Variants in NPAS4 observed in about 807,000 individuals in gnomAD.
NPAS4 encodes the protein neuronal PAS domain-containing protein 4.
NPAS4 carries 10 observed loss-of-function variants against 64.0 expected under a neutral mutation model. The observed-to-expected ratio is 0.16, with a 90% CI of 0.10 to 0.26. The LOEUF (loss-of-function observed/expected upper bound fraction) is 0.26, where lower values mean the gene tolerates loss of function less well. Among genes scored for constraint, NPAS4 ranks in the 10% least tolerant of loss-of-function variants. NPAS4 has a pLI of 1.00. For missense variants in NPAS4, 886 were observed against 992.6 expected (o/e 0.89, Z 1.44); for synonymous variants, 441 against 411.7 (o/e 1.07, Z -0.86).
At chr11:66,421,473 C>T (rs929465043) in intron 1 of NPAS4, 119 bp downstream of exon 1, 2 of 828,784 alleles carry the variant, frequency 2.4e-6, no homozygotes, top group Non-Finnish European at 3.9e-6. Context: ...TGGGGAGATT[C>T]GGGACTCGGG....
Position 66,423,240 on chromosome 11 carries a change from T to A in NPAS4, c.808+8T>A, listed in dbSNP as rs1264239372. On this transcript the variant is annotated splice_region_variant and intron_variant, in intron 5 of 7. Transcript: ENST00000311034. ...CTCAACACTACCGCCTGTGTGAGTG[T>A]CCAGAGAGGCTGGGGACAAGATAGC... 4 of 1,570,698 alleles carry A rather than the reference T, an allele frequency of 2.5e-6. No individual in the cohort carries two copies. In the African/African-American group the frequency reaches 5.4e-5, roughly 21 times the overall value.
Position 66,424,156 on chromosome 11 carries a change from C to G in NPAS4, c.1266C>G (p.Cys422Trp), listed in dbSNP as rs368787240. 2.0e-5 allele frequency: 32 copies of G among 1,613,936 alleles called. No homozygotes were observed. The highest frequency in any genetic ancestry group is 2.5e-5 in the Non-Finnish European group (30 of 1,180,004). ...LQAELSKDLVCTPPYTPHQPG... is the reference protein window; with the variant it reads ...LQAELSKDLVWTPPYTPHQPG... ...CAGAACTAAGCAAGGATCTTGTGTG[C>G]ACTCCACCTTACACGCCCCATCAGC... Residue 422 changes from cysteine to tryptophan, a missense_variant, in exon 7 of 8, where the codon TGC (cysteine) becomes TGG (tryptophan). Around this residue, in one of 3 missense-constraint regions of NPAS4, gnomAD observed 820 missense variants for 855.5 expected, o/e 0.96. Coordinates refer to ENST00000311034, the MANE Select transcript of NPAS4 (RefSeq NM_178864.4).
chr11:66,418,617 T>C (rs953002977), upstream of NPAS4, among the ~76,000 whole-genome samples: 2 of 151,996 alleles, frequency 1.3e-5, no homozygotes, highest in African/African-American at 4.8e-5. Context: ...AGACCCTTCT[T>C]CCCTTCCAAA....
the NPAS4 span, among the ~76,000 whole-genome samples, chr11:66,415,055 T>G: frequency 6.6e-6 from 1 of 152,210 alleles, no homozygotes; most frequent in African/African-American, 2.4e-5. Context: ...AAATTTTGTC[T>G]TCCTGACAAT....
Position 66,423,613 on chromosome 11 carries a change from G to A in NPAS4, c.844G>A (p.Val282Met), listed in dbSNP as rs767052513. ...TGGAGATATTCAGGCAGAGATGGTG[G>A]TGAGGCTACAGGCCAAGACTGGAGG... is the stretch of plus-strand genomic sequence containing the variant. ...ESGDIQAEMV[V>M]RLQAKTGGWA... Residue 282 changes from valine to methionine, a missense_variant, in exon 6 of 8, where the codon GTG (valine) becomes ATG (methionine). By Grantham distance (21) the Val-to-Met change is conservative. Transcript: ENST00000311034. 2.0e-5 allele frequency: 33 copies of A among 1,614,138 alleles called. No homozygotes were observed. Among genetic ancestry groups the A allele is most frequent in the Middle Eastern group, 1.7e-4 (1 of 6,050 alleles).
chr11:66,419,934 C>G (rs960454107), upstream of NPAS4, among the ~76,000 whole-genome samples: 1 of 152,188 alleles, frequency 6.6e-6, no homozygotes, highest in Admixed American at 6.5e-5. Context: ...CTCAGCTGCT[C>G]CCCCATCTTG....
At chr11:66,416,066 C>T (rs1165772822), upstream of NPAS4, among the ~76,000 whole-genome samples, 1 of 152,178 alleles carries the variant, frequency 6.6e-6, no homozygotes, top group Non-Finnish European at 1.5e-5. Flanking sequence ...CAGGCCACTG[C>T]ACTCTAGTCT....
chr11:66,423,484 C>A, intron 5 of NPAS4, 94 bp from the exon 6 acceptor site: 2 of 1,455,906 alleles, frequency 1.4e-6, no homozygotes, highest in Non-Finnish European at 1.9e-6. Flanking sequence ...GAGGATGTCA[C>A]GGCTATCTCA....
chr11:66,423,048 T>G (rs979839290), intron 4 of NPAS4, 75 bp from the exon 5 acceptor site: 188 of 1,507,250 alleles, frequency 1.2e-4, no homozygotes, highest in Non-Finnish European at 1.5e-4. Flanking sequence ...GGGCAGAGGA[T>G]CTGGGAGGGA....
rs902309032 is a variant in NPAS4, at chr11:66,426,608, C to T, written c.*619C>T. ...GCGTGTACCTGGTGCGGGACTCACC[C>T]GGCCGCCAGACTGCCTGGGCCTGCC... On this transcript the variant is annotated 3_prime_UTR_variant, in exon 8 of 8. Coordinates refer to ENST00000311034, the MANE Select transcript of NPAS4 (RefSeq NM_178864.4). 6.5e-6 allele frequency: 1 copy of T among 152,966 alleles called. No homozygotes were observed. The highest frequency in any genetic ancestry group is 1.5e-5 in the Non-Finnish European group (1 of 68,266). 9.5% of individuals were successfully genotyped at this position (152,966 alleles called of 1,614,324 possible). A position where few individuals can be genotyped will look rare whatever the true frequency, so the allele number is the denominator to read the frequency against.
At chr11:66,421,451 G>A in intron 1 of NPAS4, 97 bp downstream of exon 1, 3 of 1,115,456 alleles carry the variant, frequency 2.7e-6, no homozygotes, top group South Asian at 1.4e-5. Context: ...CTAGGGCAGC[G>A]TGCTGGCGAG....
upstream of NPAS4, among the ~76,000 whole-genome samples, chr11:66,420,130 T>C (rs1856718774): frequency 6.6e-6 from 1 of 152,186 alleles, no homozygotes; most frequent in Non-Finnish European, 1.5e-5. Context: ...AAGCGCTCGC[T>C]TGGGGGCCGG....
At chr11:66,410,066 G>A in the NPAS4 span, 1 of 152,268 alleles carries the variant, frequency 6.6e-6, no homozygotes, top group Non-Finnish European at 1.5e-5. Flanking sequence ...TGGCCTGCAG[G>A]GGTCCGGCAG....
chr11:66,422,335 C>T lies in NPAS4; in HGVS notation c.327+64C>T, dbSNP rs1266391019. On this transcript the variant is annotated intron_variant, in intron 2 of 7. Coordinates refer to ENST00000311034, the MANE Select transcript of NPAS4 (RefSeq NM_178864.4). ...GAGTGGGTGCCGTGAGCCTTCCACT[C>T]CTGAGGAACTGGGAATTACTATGGA... 82 of 1,559,584 alleles carry T rather than the reference C, an allele frequency of 5.3e-5. 1 individual carries two copies. In the South Asian group the frequency reaches 9.0e-4, roughly 17 times the overall value.
Position 66,424,496 on chromosome 11 carries a change from A to G in NPAS4, c.1606A>G (p.Thr536Ala). 6.2e-7 allele frequency: 1 copy of G among 1,614,104 alleles called. No individual in the cohort carries two copies. Among genetic ancestry groups the G allele is most frequent in the Non-Finnish European group, 8.5e-7 (1 of 1,180,028 alleles). ...CCATGAACAGCTGACTCCTCCCAGC[A>G]CAGCATTCCAAGCACACCTGGACAG... Reference protein sequence around the residue: ...PAHEQLTPPSTAFQAHLDSPS... With the variant: ...PAHEQLTPPSAAFQAHLDSPS... The change falls in exon 7 of 8, where the codon ACA (threonine) becomes GCA (alanine). Residue 536 changes from threonine to alanine, a missense_variant. Thr to Ala is a moderately conservative substitution (Grantham distance 58). This residue lies in a region of NPAS4 where 820 missense variants were observed against 855.5 expected (regional missense o/e 0.96). Transcript: ENST00000311034.
rs199690005 is a variant in NPAS4, at chr11:66,424,544, C to A, written c.1654C>A (p.Gln552Lys). 21 of 1,614,160 alleles carry A rather than the reference C, an allele frequency of 1.3e-5. No homozygotes were observed. The East Asian group carries it at 4.7e-4, about 36-fold the overall frequency. Reference protein sequence around the residue: ...LDSPSQTFPEQLSPNPTKTYF... With the variant: ...LDSPSQTFPEKLSPNPTKTYF... Reference sequence around the variant, plus strand: ...CAGCCCCAGCCAAACCTTCCCAGAGCAACTGAGCCCCAACCCTACCAAGAC... The same window carrying A: ...CAGCCCCAGCCAAACCTTCCCAGAGAAACTGAGCCCCAACCCTACCAAGAC... The change falls in exon 7 of 8, where the codon CAA (glutamine) becomes AAA (lysine). Residue 552 changes from glutamine to lysine, a missense_variant. Physicochemically the swap from Gln to Lys is moderately conservative, Grantham distance 53. Coordinates refer to ENST00000311034, the MANE Select transcript of NPAS4 (RefSeq NM_178864.4).
upstream of NPAS4, among the ~76,000 whole-genome samples, chr11:66,420,315 C>T (rs1856720749): frequency 6.6e-6 from 1 of 152,238 alleles, no homozygotes; most frequent in African/African-American, 2.4e-5. Flanking sequence ...AGGATCAACG[C>T]CAAATTCAGC....
Position 66,426,285 on chromosome 11 carries a change from C to A in NPAS4, c.*296C>A. 1 of 360,914 alleles carries A rather than the reference C, an allele frequency of 2.8e-6. No homozygotes were observed. The highest frequency in any genetic ancestry group is 5.2e-6 in the Non-Finnish European group (1 of 191,882). 22.4% of individuals were successfully genotyped at this position (360,914 alleles called of 1,614,324 possible). A position where few individuals can be genotyped will look rare whatever the true frequency, so the allele number is the denominator to read the frequency against. On this transcript the variant is annotated 3_prime_UTR_variant, in exon 8 of 8. Coordinates refer to ENST00000311034, the MANE Select transcript of NPAS4 (RefSeq NM_178864.4). ...GAATGGGGGAGTCTCACTTCCCCGC[C>A]GCCTTGCCCCATTGGCCTGGGCCAG...
chr11:66,421,819 T>C (rs1357293074), intron 1 of NPAS4, among the ~76,000 whole-genome samples: 1 of 152,186 alleles, frequency 6.6e-6, no homozygotes, highest in African/African-American at 2.4e-5. Flanking sequence ...GAACCCACAG[T>C]CGGCTTCGGA....
Sources: allele counts gnomAD v4.1 joint callset (sites outside exome capture counted in the v4.1 genomes callset), GRCh38; gene constraint gnomAD v4.1.1; regional missense constraint gnomAD v4.1.1; transcripts MANE v1.5; gene names NCBI Gene and HGNC (gene_info 2026-07-23, HGNC 2026-07-21).